The following BLTP3B variants were observed in gnomAD, a reference collection of about 807,000 sequenced individuals.
The protein encoded by BLTP3B is UHRF1 (ICBP90) binding protein 1-like.
chr12:100,059,552 T>C, the BLTP3B span: 1 of 1,557,282 alleles, frequency 6.4e-7, no homozygotes, highest in South Asian at 1.2e-5. Context: ...GAAGAAAAAT[T>C]AATCTCATCC....
At chr12:100,127,758 A>G in the BLTP3B span, among the ~76,000 whole-genome samples, 1 of 152,142 alleles carries the variant, frequency 6.6e-6, no homozygotes, top group Non-Finnish European at 1.5e-5. Context: ...CATACCTGTA[A>G]TCCTAGCACT....
chr12:100,108,327 T>A, the BLTP3B span: 3 of 1,545,514 alleles, frequency 1.9e-6, no homozygotes, highest in Non-Finnish European at 2.6e-6. Flanking sequence ...AGCCAAAATA[T>A]AGAAGGAAAA....
chr12:100,140,356 A>T, the BLTP3B span, among the ~76,000 whole-genome samples: 10 of 152,158 alleles, frequency 6.6e-5, no homozygotes, highest in South Asian at 2.1e-3. Context: ...GAAAAAAAAA[A>T]AAATCCTCAT....
the BLTP3B span, among the ~76,000 whole-genome samples, chr12:100,074,149 T>G: frequency 6.6e-6 from 1 of 152,194 alleles, no homozygotes; most frequent in African/African-American, 2.4e-5. Flanking sequence ...CCATGACTGA[T>G]AAGCAACTTC....
At chr12:100,078,240 G>A in the BLTP3B span, among the ~76,000 whole-genome samples, 7 of 152,094 alleles carry the variant, frequency 4.6e-5, no homozygotes, top group South Asian at 4.2e-4. Context: ...ACCTCCCTGC[G>A]CCACTCTCTG....
the BLTP3B span, among the ~76,000 whole-genome samples, chr12:100,040,704 AAC>A: frequency 1.3e-5 from 2 of 151,628 alleles, no homozygotes; most frequent in Admixed American, 6.6e-5. Flanking sequence ...CAACAACAAC[AAC>A]AAAAAAAAAC....
the BLTP3B span, chr12:100,097,261 C>A: frequency 8.3e-7 from 1 of 1,201,626 alleles, no homozygotes; most frequent in Non-Finnish European, 1.1e-6. Context: ...TCACCTAAGA[C>A]ATTGTTTAAA....
At chr12:100,123,110 A>G in the BLTP3B span, among the ~76,000 whole-genome samples, 1 of 152,110 alleles carries the variant, frequency 6.6e-6, no homozygotes, top group South Asian at 2.1e-4. Context: ...CCCCAACTAG[A>G]AGATCAGCTC....
the BLTP3B span, chr12:100,059,217 G>T: frequency 1.9e-6 from 3 of 1,614,042 alleles, no homozygotes; most frequent in South Asian, 1.1e-5. Flanking sequence ...GGCAGCAGAA[G>T]TTTTAAGAGT....
chr12:100,125,069 C>T, the BLTP3B span, among the ~76,000 whole-genome samples: 1 of 146,976 alleles, frequency 6.8e-6, no homozygotes, highest in South Asian at 2.1e-4. Context: ...CAGTGGCTCA[C>T]GCCTGTAATC....
At chr12:100,079,729 C>G in the BLTP3B span, among the ~76,000 whole-genome samples, 1 of 152,148 alleles carries the variant, frequency 6.6e-6, no homozygotes, top group Non-Finnish European at 1.5e-5. Flanking sequence ...AAATATCTCC[C>G]AGGGAATGTC....
chr12:100,119,849 G>A, the BLTP3B span, among the ~76,000 whole-genome samples: 1 of 151,994 alleles, frequency 6.6e-6, no homozygotes, highest in Non-Finnish European at 1.5e-5. Flanking sequence ...AACTCCTGAA[G>A]AAAATATTAG....
the BLTP3B span, among the ~76,000 whole-genome samples, chr12:100,079,952 A>T: frequency 6.6e-6 from 1 of 152,216 alleles, no homozygotes; most frequent in Non-Finnish European, 1.5e-5. Flanking sequence ...CAGCTTCCAC[A>T]TGGTGCTGAG....
the BLTP3B span, among the ~76,000 whole-genome samples, chr12:100,116,753 GTAAGAAAAA>G: frequency 6.6e-6 from 1 of 152,060 alleles, no homozygotes; most frequent in Non-Finnish European, 1.5e-5. Flanking sequence ...ACACAATAAG[GTAAGAAAAA>G]TATATAAAAG....
the BLTP3B span, among the ~76,000 whole-genome samples, chr12:100,130,256 G>A: frequency 6.6e-5 from 10 of 152,062 alleles, no homozygotes; most frequent in Non-Finnish European, 1.2e-4. Flanking sequence ...CACCACACCC[G>A]GCCTCATTTC....
the BLTP3B span, among the ~76,000 whole-genome samples, chr12:100,141,265 C>G: frequency 6.6e-6 from 1 of 152,004 alleles, no homozygotes; most frequent in Non-Finnish European, 1.5e-5. Flanking sequence ...CCGCGGATCA[C>G]CTGAGGTTGG....
chr12:100,142,819 A>G, the BLTP3B span: 4 of 826,536 alleles, frequency 4.8e-6, no homozygotes, highest in African/African-American at 3.7e-5. Flanking sequence ...CATCACGCTC[A>G]GGCCGCCACG....
At chr12:100,070,116 A>G in the BLTP3B span, 1 of 1,527,308 alleles carries the variant, frequency 6.5e-7, no homozygotes, top group Non-Finnish European at 8.9e-7. Context: ...TGAGATGCAG[A>G]GCAGATGTCT....
At chr12:100,139,397 G>A in the BLTP3B span, among the ~76,000 whole-genome samples, 1 of 152,156 alleles carries the variant, frequency 6.6e-6, no homozygotes, top group Admixed American at 6.5e-5. Context: ...GGCTAAAAAT[G>A]AGAGCTCTTT....
Sources: allele counts gnomAD v4.1 joint callset (sites outside exome capture counted in the v4.1 genomes callset), GRCh38; gene constraint gnomAD v4.1.1; transcripts MANE v1.5; gene names NCBI Gene and HGNC (gene_info 2026-07-23, HGNC 2026-07-21).